PDGFRA: variants seen among roughly 807,000 people sequenced by gnomAD.
PDGFRA encodes platelet-derived growth factor receptor alpha.
In PDGFRA, 25 loss-of-function variants were observed where a neutral mutation model predicts 121.5. That is an observed-to-expected ratio of 0.21 (90% CI 0.15 to 0.29). PDGFRA has a LOEUF of 0.29. Ranked by LOEUF, PDGFRA falls within the 10% of genes least tolerant of loss-of-function variation. The pLI, the probability that PDGFRA is intolerant of heterozygous loss-of-function variation, is 1.00. For missense variants in PDGFRA, 1,008 were observed against 1,345.1 expected, an observed-to-expected ratio of 0.75 and a Z score of 3.92; for synonymous variants, 463 against 494.8, an observed-to-expected ratio of 0.94 and a Z score of 0.85.
At position 54,285,866 on chromosome 4, in the gene PDGFRA, G is replaced by A. The variant is rs763325080; in HGVS notation, c.2465G>A (p.Arg822His). 6.2e-7 allele frequency: 1 copy of A among 1,613,918 alleles called. No individual in the cohort carries two copies. The highest frequency in any genetic ancestry group is 1.7e-5 in the Admixed American group (1 of 59,990). ...KNCVHRDLAARNVLLAQGKIV... is the reference protein window; with the variant it reads ...KNCVHRDLAAHNVLLAQGKIV... The stretch of plus-strand genomic sequence containing the variant: ...TGTGTCCACCGTGATCTGGCTGCTC[G>A]CAACGTCCTCCTGGCACAAGGAAAA... The change falls in exon 18 of 23, where the codon CGC becomes CAC. Residue 822 changes from arginine (R) to histidine (H), a missense_variant. This residue lies in a region of PDGFRA where 40 missense variants were observed against 127.4 expected (regional missense o/e 0.31). Coordinates refer to ENST00000257290, the MANE Select transcript of PDGFRA (RefSeq NM_006206.6).
chr4:54,269,287 A>G (rs781271555), intron 7 of PDGFRA, among the ~76,000 whole-genome samples: 34 of 152,140 alleles, frequency 2.2e-4, no homozygotes, highest in Non-Finnish European at 2.9e-4. Context: ...TTTCACACAT[A>G]CAATCTCCTT....
At position 54,278,518 on chromosome 4, in the gene PDGFRA, G is replaced by C. The variant is rs1723885021; in HGVS notation, c.2156+3G>C. ...CCTGCTGATGAAAGCACACGGAGGT[G>C]GGTGCAAAGAGAGATGTTGCTGTCT... On this transcript the variant is annotated splice_donor_region_variant and intron_variant, in intron 15 of 22. Transcript: ENST00000257290. 1.2e-6 allele frequency: 2 copies of C among 1,613,802 alleles called. No homozygotes were observed. Among genetic ancestry groups the C allele is most frequent in the Non-Finnish European group, 1.7e-6 (2 of 1,179,752 alleles).
intron 11 of PDGFRA, 62 bp from the exon 12 acceptor site, chr4:54,274,779 G>T (rs1723622001): frequency 6.3e-6 from 10 of 1,590,692 alleles, no homozygotes; most frequent in Non-Finnish European, 7.8e-6. Flanking sequence ...TGCTGCTTCA[G>T]TGAAGCTCTG....
chr4:54,273,583 A>G lies in PDGFRA; in HGVS notation c.1411A>G (p.Asn471Asp), dbSNP rs758497476. The G allele has an allele frequency of 5.0e-6, 8 of 1,614,072 alleles. No homozygotes were observed. Among genetic ancestry groups the G allele is most frequent in the Middle Eastern group, 1.6e-4 (1 of 6,084 alleles). ...SWTILANNVSNIITEIHSRDR... is the reference protein window; with the variant it reads ...SWTILANNVSDIITEIHSRDR... ...GACTATTTTGGCCAACAATGTCTCA[A>G]ACATCATCACGGAGATCCACTCCCG... The change falls in exon 10 of 23, where the codon AAC becomes GAC. Residue 471 changes from asparagine (N) to aspartate (D), a missense_variant. Physicochemically the swap from Asn to Asp is conservative, Grantham distance 23 (BLOSUM62 1). Around this residue, in one of 5 missense-constraint regions of PDGFRA, gnomAD observed 575 missense variants for 701.8 expected, o/e 0.82. Coordinates refer to ENST00000257290, the MANE Select transcript of PDGFRA (RefSeq NM_006206.6).
Position 54,263,730 on chromosome 4 carries a change from A to G in PDGFRA, c.431A>G (p.Asp144Gly), listed in dbSNP as rs770117588. 6.2e-7 allele frequency: 1 copy of G among 1,613,938 alleles called. No individual in the cohort carries two copies. Among genetic ancestry groups the G allele is most frequent in the East Asian group, 2.2e-5 (1 of 44,868 alleles). Residue 144 changes from aspartate (D) to glycine (G), a missense_variant, in exon 4 of 23, where the codon GAT becomes GGT. Around this residue, in one of 5 missense-constraint regions of PDGFRA, gnomAD observed 575 missense variants for 701.8 expected, o/e 0.82. Transcript: ENST00000257290. ...TDYLVIVEDD[D>G]SAIIPCRTTD... ...TATTTAGTCATCGTGGAGGATGATG[A>G]TTCTGCCATTATACCTTGTCGCACA...
At chr4:54,254,322 T>C (rs1242200135) in intron 1 of PDGFRA, among the ~76,000 whole-genome samples, 5 of 152,348 alleles carry the variant, frequency 3.3e-5, no homozygotes, top group Non-Finnish European at 7.3e-5. Context: ...GGAACCGCTG[T>C]TATCAGAGAA....
At chr4:54,237,032 G>A (rs1721056009) in intron 1 of PDGFRA, among the ~76,000 whole-genome samples, 2 of 151,910 alleles carry the variant, frequency 1.3e-5, no homozygotes, top group African/African-American at 4.8e-5. Flanking sequence ...GCAGTGGCGA[G>A]ATCCTGGCTC....
chr4:54,240,045 G>A, intron 1 of PDGFRA: 1 of 421,790 alleles, frequency 2.4e-6, no homozygotes, highest in South Asian at 1.7e-5. Context: ...TAGAGACGGG[G>A]TTTTGCCATG....
intron 1 of PDGFRA, among the ~76,000 whole-genome samples, chr4:54,237,619 C>A (rs1683251638): frequency 6.6e-6 from 1 of 152,186 alleles, no homozygotes; most frequent in Non-Finnish European, 1.5e-5. Context: ...GGCTGGCCAG[C>A]CTGGCTCTGG....
At chr4:54,261,931 A>T (rs1369814031) in intron 3 of PDGFRA, among the ~76,000 whole-genome samples, 3,826 of 58,064 alleles carry the variant, frequency 0.066, 136 homozygotes, top group East Asian at 0.16. Flanking sequence ...ATATATATAT[A>T]TTTTTTTTTT....
intron 9 of PDGFRA, 149 bp from the exon 10 acceptor site, chr4:54,273,388 T>C (rs768818009): frequency 4.4e-6 from 3 of 686,528 alleles, no homozygotes; most frequent in Admixed American, 2.1e-5. Flanking sequence ...AGTTTTAATG[T>C]TCATCTGCAT....
chr4:54,287,555 A>C lies in PDGFRA; in HGVS notation c.2674+14A>C, dbSNP rs751575586. The C allele has an allele frequency of 2.0e-6, 2 of 979,056 alleles. No homozygotes were observed. The highest frequency in any genetic ancestry group is 1.7e-6 in the Non-Finnish European group (1 of 599,326). The allele number at this position is 979,056 out of a possible 1,614,324, so 60.6% of individuals were successfully genotyped here. A position where few individuals can be genotyped will look rare whatever the true frequency, so the allele number is the denominator to read the frequency against. On this transcript the variant is annotated intron_variant, in intron 19 of 22. Transcript: ENST00000257290. ...TCTTTTCCCTTGGTATGGGCCTGAC[A>C]TTGCTGCTTATTTGGGCTGTTCTGA...
chr4:54,278,216 T>C (rs1723849695), intron 14 of PDGFRA, 146 bp from the exon 15 acceptor site: 1 of 669,816 alleles, frequency 1.5e-6, no homozygotes. Context: ...CATTCATGGC[T>C]CTTTATTAAA....
chr4:54,234,114 G>T (rs1487146204), intron 1 of PDGFRA, among the ~76,000 whole-genome samples: 1 of 152,226 alleles, frequency 6.6e-6, no homozygotes, highest in Non-Finnish European at 1.5e-5. Flanking sequence ...CGTCTTCCCG[G>T]CTCCGAAGAC....
chr4:54,285,893 T>C lies in PDGFRA; in HGVS notation c.2492T>C (p.Ile831Thr), dbSNP rs779958669. The C allele has an allele frequency of 1.9e-6, 3 of 1,614,020 alleles. No homozygotes were observed. In the Admixed American group the frequency reaches 5.0e-5, roughly 27 times the overall value. The stretch of plus-strand genomic sequence containing the variant: ...AACGTCCTCCTGGCACAAGGAAAAA[T>C]TGTGAAGATCTGTGACTTTGGCCTG... Reference protein sequence around the residue: ...ARNVLLAQGKIVKICDFGLAR... With the variant: ...ARNVLLAQGKTVKICDFGLAR... Residue 831 changes from isoleucine (I) to threonine (T), a missense_variant, in exon 18 of 23, where the codon ATT becomes ACT. Physicochemically the swap from Ile to Thr is moderately conservative, Grantham distance 89. Transcript: ENST00000257290.
rs1724328051 is a variant in PDGFRA at position 54,285,836 on chromosome 4, T to C, written c.2440-5T>C. ...TCCTGAGTCATTTCTTCCTTTTCCA[T>C]GCAGTGTGTCCACCGTGATCTGGCT... On this transcript the variant is annotated splice_polypyrimidine_tract_variant and splice_region_variant and intron_variant, in intron 17 of 22. Transcript: ENST00000257290. 1.2e-6 allele frequency: 2 copies of C among 1,614,036 alleles called. No homozygotes were observed. The highest frequency in any genetic ancestry group is 8.5e-7 in the Non-Finnish European group (1 of 1,179,954).
intron 7 of PDGFRA, 25 bp downstream of exon 7, chr4:54,267,766 T>C (rs748700834): frequency 1.2e-6 from 2 of 1,602,546 alleles, no homozygotes; most frequent in Non-Finnish European, 1.7e-6. Context: ...TGCCCAAGTA[T>C]GCCTTTTTTT....
intron 1 of PDGFRA, among the ~76,000 whole-genome samples, chr4:54,250,131 T>C (rs1721968902): frequency 6.6e-6 from 1 of 152,184 alleles, no homozygotes; most frequent in Non-Finnish European, 1.5e-5. Flanking sequence ...AAATAAACTA[T>C]AGGAAAAATA....
chr4:54,235,819 A>G (rs1196870150), intron 1 of PDGFRA, among the ~76,000 whole-genome samples: 1 of 152,260 alleles, frequency 6.6e-6, no homozygotes, highest in South Asian at 2.1e-4. Flanking sequence ...CAATTAAACT[A>G]TATAATTTAG....
Sources: allele counts gnomAD v4.1 joint callset (sites outside exome capture counted in the v4.1 genomes callset), GRCh38; gene constraint gnomAD v4.1.1; regional missense constraint gnomAD v4.1.1; transcripts MANE v1.5; gene names NCBI Gene and HGNC (gene_info 2026-07-23, HGNC 2026-07-21).